The following TRERF1 variants were observed in gnomAD, a reference collection of about 807,000 sequenced individuals.
TRERF1 encodes transcriptional-regulating factor 1.
In TRERF1, 27 loss-of-function variants were observed where a neutral mutation model predicts 122.9. The observed-to-expected ratio is 0.22, with a 90% CI of 0.16 to 0.30. TRERF1 has a LOEUF of 0.30. TRERF1 is among the 10% of genes least tolerant of loss of function. TRERF1 has a pLI of 1.00. For missense variants in TRERF1, 1,248 were observed against 1,560.3 expected (o/e 0.80, Z 3.37); for synonymous variants, 636 against 641.7 (o/e 0.99, Z 0.13).
At chr6:42,437,580 G>A (rs766227573) in intron 2 of TRERF1, among the ~76,000 whole-genome samples, 2 of 152,120 alleles carry the variant, frequency 1.3e-5, no homozygotes, top group Admixed American at 6.5e-5. Context: ...GGGTTGGCAT[G>A]GTGTTCCTTC....
intron 3 of TRERF1, among the ~76,000 whole-genome samples, chr6:42,312,670 A>G (rs888565156): frequency 6.6e-6 from 1 of 152,148 alleles, no homozygotes; most frequent in Admixed American, 6.5e-5. Context: ...CCACGGGCAT[A>G]TGGATTTGTG....
chr6:42,263,259 C>A lies in TRERF1; in HGVS notation c.1884+61G>T. 6.5e-7 allele frequency: 1 copy of A among 1,535,450 alleles called. No homozygotes were observed. The highest frequency in any genetic ancestry group is 2.4e-5 in the East Asian group (1 of 42,428). ...GCAGGTGGGGCAGAGCAGCAACTCACAGCAGGCGTGCGGGGGGCAGCCCCT... is the reference window on the plus strand; with the variant it reads ...GCAGGTGGGGCAGAGCAGCAACTCAAAGCAGGCGTGCGGGGGGCAGCCCCT... On this transcript the variant is annotated intron_variant, in intron 8 of 17. Transcript: ENST00000372922. The surrounding 1 kb of genome is among the most constrained non-coding windows in gnomAD (Gnocchi z 5.6).
intron 3 of TRERF1, among the ~76,000 whole-genome samples, chr6:42,356,745 T>C (rs1225351601): frequency 3.9e-5 from 6 of 151,924 alleles, no homozygotes; most frequent in Admixed American, 3.9e-4. Flanking sequence ...TGGCTAATTT[T>C]TCTGTATTTT....
At chr6:42,341,026 C>G (rs1767199320) in intron 3 of TRERF1, among the ~76,000 whole-genome samples, 1 of 152,158 alleles carries the variant, frequency 6.6e-6, no homozygotes, top group South Asian at 2.1e-4. Context: ...CAAAACAGTC[C>G]CCCGTGTACA....
intron 2 of TRERF1, among the ~76,000 whole-genome samples, chr6:42,397,954 A>G (rs1778866070): frequency 6.6e-6 from 1 of 152,194 alleles, no homozygotes; most frequent in South Asian, 2.1e-4. Flanking sequence ...GTGAGCTAAG[A>G]CAGCAAAATA....
At chr6:42,418,655 T>C (rs990796791) in intron 2 of TRERF1, among the ~76,000 whole-genome samples, 1 of 152,036 alleles carries the variant, frequency 6.6e-6, no homozygotes, top group Non-Finnish European at 1.5e-5. Context: ...AAGGCTCTAG[T>C]GGGCTCGTAG....
Position 42,317,063 on chromosome 6 carries a change from G to C in TRERF1, c.-370-16314C>G, listed in dbSNP as rs1762612745. Among the ~76,000 whole-genome samples, 6 of 152,230 alleles carry C rather than the reference G, an allele frequency of 3.9e-5. No homozygotes were observed. In the South Asian group the frequency reaches 1.2e-3, roughly 32 times the overall value. The stretch of plus-strand genomic sequence containing the variant: ...GCCCCCTAATGTAGAGGCTGACTCA[G>C]CACACAAGGACCATTTTCCACACCC... On this transcript the variant is annotated intron_variant, in intron 3 of 17. Transcript: ENST00000372922.
At chr6:42,331,621 T>A (rs1455139461) in intron 3 of TRERF1, among the ~76,000 whole-genome samples, 3 of 152,100 alleles carry the variant, frequency 2.0e-5, no homozygotes, top group Admixed American at 6.5e-5. Flanking sequence ...GTGCTGCAGA[T>A]CCCTAAGCGG....
chr6:42,299,866 TAA>T (rs1475753260), intron 4 of TRERF1, among the ~76,000 whole-genome samples: 1 of 152,192 alleles, frequency 6.6e-6, no homozygotes, highest in Non-Finnish European at 1.5e-5. Context: ...AAGGAGGCTG[TAA>T]ATAGCCACTG....
Position 42,393,705 on chromosome 6 carries a change from TA to T in TRERF1, c.-453-30627del, listed in dbSNP as rs1778118290. 1.3e-5 allele frequency among the ~76,000 whole-genome samples: 2 copies of T among 152,194 alleles called. No individual in the cohort carries two copies. The highest frequency in any genetic ancestry group is 4.8e-5 in the African/African-American group (2 of 41,452). On this transcript the variant is annotated intron_variant, in intron 2 of 17. Transcript: ENST00000372922. This position sits in a 1 kb window ranked among gnomAD's most constrained non-coding sequence, Gnocchi z 4.1. ...AGAAATGGAAGGCAATTTAGATGAC[TA>T]AATATAGGGGAGCTGGTTAAATAAG...
chr6:42,308,183 A>G (rs759787253), intron 3 of TRERF1, among the ~76,000 whole-genome samples: 3 of 152,254 alleles, frequency 2.0e-5, no homozygotes, highest in Non-Finnish European at 2.9e-5. Context: ...TCCTAGAAAC[A>G]TTATTCACAG....
At chr6:42,292,706 C>G (rs571753159) in intron 4 of TRERF1, among the ~76,000 whole-genome samples, 1 of 152,206 alleles carries the variant, frequency 6.6e-6, no homozygotes, top group African/African-American at 2.4e-5. Flanking sequence ...GGATATGGCT[C>G]TCAAGCAGTT....
At chr6:42,428,261 C>T (rs1208738853) in intron 2 of TRERF1, among the ~76,000 whole-genome samples, 1 of 152,154 alleles carries the variant, frequency 6.6e-6, no homozygotes, top group Non-Finnish European at 1.5e-5. Context: ...ATGATTTTCC[C>T]CTTAATTTAT....
At chr6:42,412,220 C>T (rs1206610989) in intron 2 of TRERF1, among the ~76,000 whole-genome samples, 4 of 152,036 alleles carry the variant, frequency 2.6e-5, no homozygotes, top group Non-Finnish European at 2.9e-5. Context: ...AGGCTGGTCT[C>T]GAACTCCCGA....
In TRERF1 at chr6:42,269,485, A is replaced by C. The variant is rs1435750366; in HGVS notation, c.106T>G (p.Tyr36Asp). The change falls in exon 5 of 18, where the codon TAT becomes GAT. Residue 36 changes from tyrosine (Y) to aspartate (D), a missense_variant. Around this residue, in one of 5 missense-constraint regions of TRERF1, gnomAD observed 946 missense variants for 1,073.0 expected, o/e 0.88. Coordinates refer to ENST00000372922, the Ensembl canonical transcript of TRERF1. This position sits in a 1 kb window ranked among gnomAD's most constrained non-coding sequence, Gnocchi z 4.9. ...CCGCCCCCTGTAACTGCATTCCCATAGTTGTGGTTCAGCCCGCTGTGGACG... is the reference window on the plus strand; with the variant it reads ...CCGCCCCCTGTAACTGCATTCCCATCGTTGTGGTTCAGCCCGCTGTGGACG... The C allele has an allele frequency of 4.3e-6, 7 of 1,614,150 alleles. No individual in the cohort carries two copies. Among genetic ancestry groups the C allele is most frequent in the Non-Finnish European group, 5.9e-6 (7 of 1,180,028 alleles).
At chr6:42,386,242 A>C (rs1776795799) in intron 2 of TRERF1, among the ~76,000 whole-genome samples, 1 of 152,174 alleles carries the variant, frequency 6.6e-6, no homozygotes, top group Non-Finnish European at 1.5e-5. Context: ...CCATGTTATC[A>C]GTTCAAATGT....
intron 2 of TRERF1, among the ~76,000 whole-genome samples, chr6:42,441,620 T>C (rs1281483958): frequency 6.6e-6 from 1 of 151,896 alleles, no homozygotes; most frequent in Admixed American, 6.6e-5. Context: ...GAAGCCTGGA[T>C]TTCTCCTTCC....
chr6:42,397,794 T>C (rs11968050), intron 2 of TRERF1, among the ~76,000 whole-genome samples: 16,743 of 152,190 alleles, frequency 0.11, 1,532 homozygotes, highest in African/African-American at 0.25. Flanking sequence ...TCAGAAGATA[T>C]CTGCTCTTAG....
Position 42,268,204 on chromosome 6 carries a change from T to C in TRERF1, c.1387A>G (p.Asn463Asp). ...AGCTGCTGATGCTGAGGCCCCATGT[T>C]GTTGAGGTGGATCCCACTGGGGGAT... The change falls in exon 5 of 18, where the codon AAC becomes GAC. Residue 463 changes from asparagine to aspartate, a missense_variant. Asn to Asp is a conservative substitution (Grantham distance 23). Coordinates refer to ENST00000372922, the Ensembl canonical transcript of TRERF1. The surrounding 1 kb of genome is among the most constrained non-coding windows in gnomAD (Gnocchi z 4.4). 6.8e-7 allele frequency: 1 copy of C among 1,468,450 alleles called. No homozygotes were observed. The highest frequency in any genetic ancestry group is 9.0e-7 in the Non-Finnish European group (1 of 1,108,834). The allele number at this position is 1,468,450 out of a possible 1,614,324, so 91.0% of individuals were successfully genotyped here.
Sources: allele counts gnomAD v4.1 joint callset (sites outside exome capture counted in the v4.1 genomes callset), GRCh38; gene constraint gnomAD v4.1.1; regional missense constraint gnomAD v4.1.1; non-coding constraint Gnocchi (gnomAD v3.1); transcripts MANE v1.5; gene names NCBI Gene and HGNC (gene_info 2026-07-23, HGNC 2026-07-21).